CSMD3: variants seen among roughly 807,000 people sequenced by gnomAD.
The protein encoded by CSMD3 is CUB and sushi domain-containing protein 3.
In CSMD3, 177 loss-of-function variants were observed where a neutral mutation model predicts 435.2. That is an observed-to-expected ratio of 0.41 (90% confidence interval 0.36 to 0.46). The LOEUF is 0.46. CSMD3 is among the 20% of genes least tolerant of loss of function. The pLI is 0.34. For synonymous variants in CSMD3, 1,656 were observed against 1,520.5 expected, an observed-to-expected ratio of 1.09 and a Z score of -2.07; for missense variants, 4,265 against 4,504.6, an observed-to-expected ratio of 0.95 and a Z score of 1.52.
At chr8:112,643,363 G>C (rs2074888942) in intron 20 of CSMD3, 1 of 165,770 alleles carries the variant, frequency 6.0e-6, no homozygotes. Context: ...TAAGAGGTTA[G>C]ACTATATTAC....
chr8:112,690,801 A>C (rs2076118785), intron 13 of CSMD3, among the ~76,000 whole-genome samples: 2 of 152,106 alleles, frequency 1.3e-5, no homozygotes, highest in Non-Finnish European at 2.9e-5. Context: ...GTTAGCAGTA[A>C]ATTATTGTGG....
intron 10 of CSMD3, among the ~76,000 whole-genome samples, chr8:112,901,651 T>C (rs932284998): frequency 1.3e-5 from 2 of 151,312 alleles, no homozygotes; most frequent in South Asian, 2.1e-4. Context: ...AATGATCTCA[T>C]CTACTTTAAA....
At chr8:113,415,110 A>G (rs2094576310) in intron 1 of CSMD3, among the ~76,000 whole-genome samples, 1 of 152,224 alleles carries the variant, frequency 6.6e-6, no homozygotes, top group African/African-American at 2.4e-5. Context: ...AATTTGGATC[A>G]TGAAGGCAAT....
At chr8:112,680,958 T>C (rs1271436018) in intron 16 of CSMD3, among the ~76,000 whole-genome samples, 1 of 151,766 alleles carries the variant, frequency 6.6e-6, no homozygotes, top group Admixed American at 6.6e-5. Context: ...AATTATTATA[T>C]GACAATCTAC....
intron 35 of CSMD3, among the ~76,000 whole-genome samples, chr8:112,396,881 A>T (rs1387783667): frequency 6.6e-6 from 1 of 152,208 alleles, no homozygotes; most frequent in Non-Finnish European, 1.5e-5. Context: ...AGGATGGCCA[A>T]GAAAAATAGG....
intron 22 of CSMD3, among the ~76,000 whole-genome samples, chr8:112,593,668 C>T (rs1310292849): frequency 2.0e-5 from 3 of 151,974 alleles, no homozygotes; most frequent in African/African-American, 7.2e-5. Flanking sequence ...CCAAGGTACA[C>T]TCAGCAAGAG....
intron 22 of CSMD3, among the ~76,000 whole-genome samples, chr8:112,613,924 A>C (rs1191045853): frequency 6.6e-6 from 1 of 152,140 alleles, no homozygotes; most frequent in African/African-American, 2.4e-5. Flanking sequence ...AGAGTTTGAG[A>C]CCAACCTGTG....
At chr8:112,910,544 A>G (rs1263001981) in intron 10 of CSMD3, among the ~76,000 whole-genome samples, 2 of 151,768 alleles carry the variant, frequency 1.3e-5, no homozygotes, top group East Asian at 1.9e-4. Context: ...TCCAAGGGCA[A>G]TGCTATCCCC....
At position 112,953,207 on chromosome 8, in the gene CSMD3, T is replaced by C. The variant is rs976666202; in HGVS notation, c.1420+1477A>G. Among the ~76,000 whole-genome samples the C allele has an allele frequency of 6.6e-5, 10 of 151,472 alleles. 1 individual carries two copies. The highest frequency in any genetic ancestry group is 1.5e-4 in the Non-Finnish European group (10 of 67,522). ...GGCTACACAAAATATTAGAAAAAAATGTAGTAAACATAACATTTAATTTTG... is the reference window on the plus strand; with the variant it reads ...GGCTACACAAAATATTAGAAAAAAACGTAGTAAACATAACATTTAATTTTG... On this transcript the variant is annotated intron_variant, in intron 8 of 70. Transcript: ENST00000297405.
At chr8:112,259,285 T>C (rs1816152398) in intron 61 of CSMD3, among the ~76,000 whole-genome samples, 2 of 152,130 alleles carry the variant, frequency 1.3e-5, no homozygotes, top group Admixed American at 6.5e-5. Context: ...TTATTGTCCT[T>C]TGCAGGGACA....
At chr8:112,523,357 A>T (rs1429597978) in intron 27 of CSMD3, among the ~76,000 whole-genome samples, 1 of 152,008 alleles carries the variant, frequency 6.6e-6, no homozygotes, top group Non-Finnish European at 1.5e-5. Flanking sequence ...TTATATTCAT[A>T]ATCCTATGAA....
chr8:112,553,497 C>T (rs1476944843), intron 25 of CSMD3, among the ~76,000 whole-genome samples: 6 of 151,998 alleles, frequency 3.9e-5, no homozygotes, highest in East Asian at 1.9e-4. Context: ...TATTGCTCTA[C>T]GTCTTTAAAC....
At chr8:113,016,001 A>C (rs2086442655) in intron 6 of CSMD3, among the ~76,000 whole-genome samples, 1 of 151,950 alleles carries the variant, frequency 6.6e-6, no homozygotes, top group African/African-American at 2.4e-5. Context: ...GAGGAACAAT[A>C]GTTTAAAACA....
At chr8:112,533,894 C>T (rs900728684) in intron 27 of CSMD3, among the ~76,000 whole-genome samples, 22 of 151,920 alleles carry the variant, frequency 1.4e-4, no homozygotes, top group African/African-American at 4.6e-4. Flanking sequence ...TTGACAAATT[C>T]CACAATATTT....
At chr8:112,288,447 A>T (rs1371309885) in intron 57 of CSMD3, among the ~76,000 whole-genome samples, 1 of 152,108 alleles carries the variant, frequency 6.6e-6, no homozygotes, top group Non-Finnish European at 1.5e-5. Context: ...CAGTCACTTC[A>T]TAGGGATTAA....
chr8:112,695,879 C>A (rs2076242516), intron 13 of CSMD3, among the ~76,000 whole-genome samples: 1 of 152,192 alleles, frequency 6.6e-6, no homozygotes, highest in Non-Finnish European at 1.5e-5. Context: ...GCAAATTCAG[C>A]AAAGTCTCAG....
intron 6 of CSMD3, among the ~76,000 whole-genome samples, chr8:113,009,002 A>G (rs2086159559): frequency 6.6e-6 from 1 of 151,528 alleles, no homozygotes; most frequent in African/African-American, 2.4e-5. Context: ...TATAGATTAT[A>G]TGTTGAAATG....
intron 6 of CSMD3, among the ~76,000 whole-genome samples, chr8:112,994,855 C>A (rs1234018502): frequency 1.3e-5 from 2 of 151,322 alleles, no homozygotes; most frequent in East Asian, 3.9e-4. Flanking sequence ...TTGACTCAGC[C>A]AATTAAAAAT....
chr8:112,765,148 G>T (rs2077945468), intron 13 of CSMD3, among the ~76,000 whole-genome samples: 2 of 151,628 alleles, frequency 1.3e-5, no homozygotes, highest in African/African-American at 2.4e-5. Flanking sequence ...AAGTAAAAAG[G>T]AGAAGGAACA....
Sources: allele counts gnomAD v4.1 joint callset (sites outside exome capture counted in the v4.1 genomes callset), GRCh38; gene constraint gnomAD v4.1.1; transcripts MANE v1.5; gene names NCBI Gene and HGNC (gene_info 2026-07-23, HGNC 2026-07-21).